The following SUPT3H variants were observed in gnomAD, a reference collection of about 807,000 sequenced individuals.
The protein encoded by SUPT3H is transcription initiation protein SPT3 homolog.
SUPT3H carries 44 observed loss-of-function variants against 44.3 expected under a neutral mutation model. That is an observed-to-expected ratio of 0.99 (90% CI 0.78 to 1.28). SUPT3H has a LOEUF of 1.28. Among genes scored for constraint, SUPT3H ranks in the 50% most tolerant of loss-of-function variants. The pLI is 0.00. For synonymous variants in SUPT3H, 124 were observed against 125.6 expected (o/e 0.99, Z 0.09); for missense variants, 380 against 387.1 (o/e 0.98, Z 0.15).
intron 2 of SUPT3H, among the ~76,000 whole-genome samples, chr6:45,210,057 TA>T (rs777275957): frequency 2.4e-4 from 36 of 152,132 alleles, no homozygotes; most frequent in Non-Finnish European, 5.1e-4. Context: ...CAGCATTTTA[TA>T]AAAATAAAGT....
rs540806988 is a variant in SUPT3H, at chr6:45,069,337, A to G, written c.186+36585T>C. Among the ~76,000 whole-genome samples the G allele has an allele frequency of 1.2e-4, 18 of 152,296 alleles. No homozygotes were observed. In the South Asian group the frequency reaches 3.7e-3, roughly 32 times the overall value. ...ATGACAAAAAACGTGTTTAGGTTGA[A>G]CAGTATGTGTTAGACAGGGAGGACA... is the stretch of plus-strand genomic sequence containing the variant. On this transcript the variant is annotated intron_variant, in intron 3 of 10. Transcript: ENST00000371459.
At chr6:44,869,444 G>T (rs1272644612) in intron 10 of SUPT3H, among the ~76,000 whole-genome samples, 18 of 152,098 alleles carry the variant, frequency 1.2e-4, no homozygotes, top group Non-Finnish European at 2.2e-4. Flanking sequence ...AAACCACTAA[G>T]AAAACCCAGT....
chr6:45,100,076 CAA>C (rs1407768783), intron 3 of SUPT3H, among the ~76,000 whole-genome samples: 1 of 151,876 alleles, frequency 6.6e-6, no homozygotes, highest in Non-Finnish European at 1.5e-5. Context: ...TCACCATACT[CAA>C]AAAATCAACT....
chr6:45,284,697 C>G (rs577113524), intron 2 of SUPT3H, among the ~76,000 whole-genome samples: 231 of 152,300 alleles, frequency 1.5e-3, no homozygotes, highest in African/African-American at 5.3e-3. Context: ...CCTTCTGAAA[C>G]TATTCCAATC....
chr6:45,323,074 C>T (rs1244550470), intron 2 of SUPT3H: 4 of 681,046 alleles, frequency 5.9e-6, no homozygotes, highest in Non-Finnish European at 7.2e-6. Flanking sequence ...AATTACTGTG[C>T]CGGTTGTGAA....
rs546214433 is a variant in SUPT3H, at chr6:45,020,510, C to T, written c.273+36G>A. On this transcript the variant is annotated intron_variant, in intron 4 of 10. Coordinates refer to ENST00000371459, the MANE Select transcript of SUPT3H (RefSeq NM_003599.4). ...CACATGCAAGTTCAATTAAACAAAA[C>T]GTGGATTTTAATACAATAAAATTAT... 1.3e-5 allele frequency: 19 copies of T among 1,515,482 alleles called. No individual in the cohort carries two copies. In the Admixed American group the frequency reaches 1.4e-4, roughly 11 times the overall value. The allele number at this position is 1,515,482 out of a possible 1,614,324, so 93.9% of individuals were successfully genotyped here. A position where few individuals can be genotyped will look rare whatever the true frequency, so the allele number is the denominator to read the frequency against.
chr6:45,086,614 GT>G (rs1392367559), intron 3 of SUPT3H, among the ~76,000 whole-genome samples: 4 of 151,818 alleles, frequency 2.6e-5, no homozygotes, highest in African/African-American at 9.7e-5. Context: ...AAGAATCTTG[GT>G]TTTAAAAACT....
chr6:45,078,234 G>A (rs947773817), intron 3 of SUPT3H, among the ~76,000 whole-genome samples: 3 of 152,086 alleles, frequency 2.0e-5, no homozygotes, highest in Non-Finnish European at 2.9e-5. Flanking sequence ...CTTTGGTTTT[G>A]TTCTCTTTTT....
chr6:44,861,203 A>G (rs1774602147), intron 10 of SUPT3H, among the ~76,000 whole-genome samples: 1 of 152,054 alleles, frequency 6.6e-6, no homozygotes, highest in Admixed American at 6.5e-5. Context: ...CAGCCTCCTG[A>G]GTAGCTAGGA....
chr6:45,087,848 C>T (rs984749287), intron 3 of SUPT3H, among the ~76,000 whole-genome samples: 3 of 151,878 alleles, frequency 2.0e-5, no homozygotes, highest in Non-Finnish European at 4.4e-5. Flanking sequence ...ACACAATATT[C>T]TGAAAACCAT....
Position 44,829,224 on chromosome 6 carries a change from GC to G in SUPT3H, c.*591del, listed in dbSNP as rs1335303028. The stretch of plus-strand genomic sequence containing the variant: ...AAGGCAGATGGCAGGAAGTTGGGAA[GC>G]AGGCATTGAAAATGACACATACTAT... On this transcript the variant is annotated 3_prime_UTR_variant, in exon 11 of 11. Transcript: ENST00000371459. 6.6e-6 allele frequency: 1 copy of G among 152,250 alleles called. No individual in the cohort carries two copies. The highest frequency in any genetic ancestry group is 1.9e-4 in the East Asian group (1 of 5,200). 9.4% of individuals were successfully genotyped at this position (152,250 alleles called of 1,614,324 possible). A position where few individuals can be genotyped will look rare whatever the true frequency, so the allele number is the denominator to read the frequency against.
At chr6:44,877,967 T>C (rs890341875) in intron 10 of SUPT3H, among the ~76,000 whole-genome samples, 3 of 152,206 alleles carry the variant, frequency 2.0e-5, no homozygotes, top group African/African-American at 7.2e-5. Context: ...CCTTAGTATG[T>C]CTAAAAGGAA....
chr6:45,315,570 C>T (rs568862912), intron 2 of SUPT3H, among the ~76,000 whole-genome samples: 13 of 152,306 alleles, frequency 8.5e-5, no homozygotes, highest in African/African-American at 2.6e-4. Flanking sequence ...ATCAAAACCA[C>T]AATGCGATAC....
intron 2 of SUPT3H, among the ~76,000 whole-genome samples, chr6:45,339,257 A>G (rs1789265808): frequency 6.6e-6 from 1 of 152,134 alleles, no homozygotes; most frequent in Non-Finnish European, 1.5e-5. Flanking sequence ...TGGCTGATCA[A>G]CAGAATTACC....
At chr6:45,056,677 C>G (rs1583288545) in intron 3 of SUPT3H, among the ~76,000 whole-genome samples, 1 of 152,042 alleles carries the variant, frequency 6.6e-6, no homozygotes, top group Admixed American at 6.6e-5. Context: ...GAGAATGACA[C>G]AGTGGACTTT....
chr6:45,142,101 T>C (rs754288650), intron 2 of SUPT3H, among the ~76,000 whole-genome samples: 5 of 152,146 alleles, frequency 3.3e-5, no homozygotes, highest in Non-Finnish European at 7.4e-5. Context: ...CTTTAGCCTC[T>C]TGAAACAAAG....
chr6:45,255,429 T>TTC (rs1393137792), intron 2 of SUPT3H, among the ~76,000 whole-genome samples: 1 of 150,364 alleles, frequency 6.7e-6, no homozygotes, highest in African/African-American at 2.5e-5. Context: ...TTTTTTTTTT[T>TTC]TTTTTTTTCA....
At chr6:45,109,657 T>C (rs576203228) in intron 2 of SUPT3H, among the ~76,000 whole-genome samples, 1 of 152,290 alleles carries the variant, frequency 6.6e-6, no homozygotes, top group African/African-American at 2.4e-5. Context: ...ATAAATAACT[T>C]CTGTCATTTT....
intron 2 of SUPT3H, among the ~76,000 whole-genome samples, chr6:45,224,639 G>T (rs183061377): frequency 6.6e-6 from 1 of 151,960 alleles, no homozygotes; most frequent in African/African-American, 2.4e-5. Flanking sequence ...TCAGCTGGGC[G>T]TGGTGGTGTG....
Sources: allele counts gnomAD v4.1 joint callset (sites outside exome capture counted in the v4.1 genomes callset), GRCh38; gene constraint gnomAD v4.1.1; transcripts MANE v1.5; gene names NCBI Gene and HGNC (gene_info 2026-07-23, HGNC 2026-07-21).